WDR82: variants seen among roughly 807,000 people sequenced by gnomAD.
The protein encoded by WDR82 is WD repeat-containing protein 82.
A neutral mutation model predicts 36.1 loss-of-function variants in WDR82; 8 were observed. The observed-to-expected ratio is 0.22, with a 90% CI of 0.13 to 0.40. The LOEUF (loss-of-function observed/expected upper bound fraction) is 0.40, where lower values mean the gene tolerates loss of function less well. Among genes scored for constraint, WDR82 ranks in the 10% least tolerant of loss-of-function variants. The pLI is 1.00. For synonymous variants in WDR82, 129 were observed against 137.8 expected (o/e 0.94, Z 0.45); for missense variants, 185 against 400.5 (o/e 0.46, Z 4.59).
chr3:52,258,758 C>G, intron 7 of WDR82, 80 bp from the exon 8 acceptor site: 10 of 1,593,874 alleles, frequency 6.3e-6, no homozygotes, highest in Non-Finnish European at 7.7e-6. Flanking sequence ...GGATTGAGAT[C>G]TGAGGATACG....
At position 52,257,215 on chromosome 3, in the gene WDR82, G is replaced by A. The variant is rs1207238039; in HGVS notation, c.*275C>T. ...CTTGAGAGCCCCACTATACCAAATC[G>A]TGAGTCTGGTCACTCCTCCAGCAGA... On this transcript the variant is annotated 3_prime_UTR_variant, in exon 9 of 9. Coordinates refer to ENST00000296490, the MANE Select transcript of WDR82 (RefSeq NM_025222.4). 6 of 514,322 alleles carry A rather than the reference G, an allele frequency of 1.2e-5. No individual in the cohort carries two copies. The highest frequency in any genetic ancestry group is 6.8e-5 in the Admixed American group (2 of 29,446). The allele number at this position is 514,322 out of a possible 1,614,324, so 31.9% of individuals were successfully genotyped here. A position where few individuals can be genotyped will look rare whatever the true frequency, so the allele number is the denominator to read the frequency against.
intron 1 of WDR82, among the ~76,000 whole-genome samples, chr3:52,275,695 C>A (rs1215653543): frequency 1.3e-5 from 2 of 152,068 alleles, no homozygotes; most frequent in Non-Finnish European, 2.9e-5. Flanking sequence ...ACCAGCCTGA[C>A]CAACATGGTG....
intron 1 of WDR82, among the ~76,000 whole-genome samples, 168 bp from the exon 2 acceptor site, chr3:52,270,977 G>A (rs1046236475): frequency 6.6e-6 from 1 of 152,232 alleles, no homozygotes; most frequent in African/African-American, 2.4e-5. Context: ...CAACGCTCAA[G>A]CAACAGCCAT....
chr3:52,278,175 G>T (rs377533223), intron 1 of WDR82, 26 bp downstream of exon 1: 2 of 1,568,322 alleles, frequency 1.3e-6, no homozygotes, highest in Non-Finnish European at 1.7e-6. Flanking sequence ...ACTGAGACTC[G>T]GGCCCAGGGC....
At chr3:52,274,045 C>G (rs1217621390) in intron 1 of WDR82, among the ~76,000 whole-genome samples, 1 of 152,186 alleles carries the variant, frequency 6.6e-6, no homozygotes, top group Non-Finnish European at 1.5e-5. Flanking sequence ...TTCTGGTGAT[C>G]AAGCATCAAC....
At chr3:52,263,634 G>A (rs1700079967) in intron 3 of WDR82, among the ~76,000 whole-genome samples, 1 of 152,174 alleles carries the variant, frequency 6.6e-6, no homozygotes, top group Non-Finnish European at 1.5e-5. Flanking sequence ...TGACACATGA[G>A]GTTAAACCTA....
chr3:52,263,247 A>G (rs1700076878), intron 3 of WDR82, among the ~76,000 whole-genome samples: 1 of 152,222 alleles, frequency 6.6e-6, no homozygotes, highest in Non-Finnish European at 1.5e-5. Context: ...CACATGGAGA[A>G]GTAAGACCCC....
Position 52,257,696 on chromosome 3 carries a change from A to G in WDR82, c.913-177T>C, listed in dbSNP as rs563081959. On this transcript the variant is annotated intron_variant, in intron 8 of 8. Transcript: ENST00000296490. ...ACAGAAACACTCTTTCCTCTATGTG[A>G]AAGTAAAATGGTTCTGTTTTTCTCC... Among the ~76,000 whole-genome samples the G allele has an allele frequency of 3.3e-5, 5 of 152,228 alleles. No individual in the cohort carries two copies. The East Asian group carries it at 7.7e-4, about 24-fold the overall frequency.
chr3:52,260,551 TA>T, intron 4 of WDR82, 50 bp from the exon 5 acceptor site: 1 of 1,300,082 alleles, frequency 7.7e-7, no homozygotes. Flanking sequence ...GCCACAACCA[TA>T]CGTGGAATAA....
At chr3:52,259,111 G>C in intron 7 of WDR82, 86 bp downstream of exon 7, 1 of 1,318,442 alleles carries the variant, frequency 7.6e-7, no homozygotes, top group Non-Finnish European at 1.1e-6. Context: ...CTATCAAATA[G>C]ATAATAATGT....
intron 1 of WDR82, among the ~76,000 whole-genome samples, chr3:52,271,324 G>A (rs868758856): frequency 6.6e-6 from 1 of 152,152 alleles, no homozygotes. Flanking sequence ...GTACAGGTTT[G>A]TAGCCTAGGA....
In WDR82 at chr3:52,255,724, T is replaced by C. The variant is rs1700000100; in HGVS notation, c.*1766A>G. The C allele has an allele frequency of 6.6e-6, 1 of 152,212 alleles. No individual in the cohort carries two copies. The highest frequency in any genetic ancestry group is 1.5e-5 in the Non-Finnish European group (1 of 68,054). 9.4% of individuals were successfully genotyped at this position (152,212 alleles called of 1,614,324 possible). On this transcript the variant is annotated 3_prime_UTR_variant, in exon 9 of 9. Coordinates refer to ENST00000296490, the MANE Select transcript of WDR82 (RefSeq NM_025222.4). ...TATTCTTGAGCAAGTCATAACCCTA[T>C]TGTGCCTCAGTTTCTGGATCTGCAA...
chr3:52,257,589 C>T (rs1392301958), intron 8 of WDR82, 70 bp from the exon 9 acceptor site: 6 of 1,599,172 alleles, frequency 3.8e-6, no homozygotes, highest in Non-Finnish European at 4.3e-6. Context: ...CTTCACATCC[C>T]ACCCCACAGC....
chr3:52,262,244 G>C (rs942521621), intron 3 of WDR82, among the ~76,000 whole-genome samples: 1 of 152,194 alleles, frequency 6.6e-6, no homozygotes, highest in Non-Finnish European at 1.5e-5. Context: ...GTTGGTAGGG[G>C]CTGAGGGAGT....
rs1700044550 is a variant in WDR82, at chr3:52,259,784, A to G, written c.632T>C (p.Ile211Thr). The change falls in exon 6 of 9, where the codon ATT becomes ACT. Residue 211 changes from isoleucine to threonine, a missense_variant. Ile to Thr is a moderately conservative substitution (Grantham distance 89). Coordinates refer to ENST00000296490, the MANE Select transcript of WDR82 (RefSeq NM_025222.4). The part of the protein sequence containing the change: ...KFSNDGKLIL[I>T]STNGSFIRLI... ...ACGAATGAAGCTGCCGTTGGTGGAA[A>G]TGAGGATGAGCTTGCCATCATTGCT... The G allele has an allele frequency of 6.2e-7, 1 of 1,614,164 alleles. No homozygotes were observed. The highest frequency in any genetic ancestry group is 8.5e-7 in the Non-Finnish European group (1 of 1,180,008).
rs1700044777 is a variant in WDR82, at chr3:52,259,806, T to G, written c.610A>C (p.Asn204His). 1 of 1,614,048 alleles carries G rather than the reference T, an allele frequency of 6.2e-7. No individual in the cohort carries two copies. Among genetic ancestry groups the G allele is most frequent in the Non-Finnish European group, 8.5e-7 (1 of 1,180,028 alleles). ...TCEWTGLKFS[N>H]DGKLILISTN... Reference sequence around the variant, plus strand: ...GAAATGAGGATGAGCTTGCCATCATTGCTGAATTTAAGTCCTGTCCACTCA... The same window carrying G: ...GAAATGAGGATGAGCTTGCCATCATGGCTGAATTTAAGTCCTGTCCACTCA... The change falls in exon 6 of 9, where the codon AAT becomes CAT. Residue 204 changes from asparagine to histidine, a missense_variant. Around this residue, in one of 3 missense-constraint regions of WDR82, gnomAD observed 110 missense variants for 212.6 expected, o/e 0.52. Transcript: ENST00000296490.
Position 52,254,743 on chromosome 3 carries a change from G to A in WDR82, c.*2747C>T, listed in dbSNP as rs1407827260. On this transcript the variant is annotated 3_prime_UTR_variant, in exon 9 of 9. Coordinates refer to ENST00000296490, the MANE Select transcript of WDR82 (RefSeq NM_025222.4). The stretch of plus-strand genomic sequence containing the variant: ...AGTGGCTTTGGCCCCAATTCTTAAG[G>A]TGGCAAACGCCGCTGCCCCACTCCC... 1.3e-5 allele frequency: 2 copies of A among 152,176 alleles called. No homozygotes were observed. Among genetic ancestry groups the A allele is most frequent in the African/African-American group, 2.4e-5 (1 of 41,432 alleles). 9.4% of individuals were successfully genotyped at this position (152,176 alleles called of 1,614,324 possible).
intron 1 of WDR82, among the ~76,000 whole-genome samples, chr3:52,275,325 ATAT>A (rs139103724): frequency 0.08 from 12,175 of 152,250 alleles, 592 homozygotes; most frequent in Non-Finnish European, 0.12. Flanking sequence ...ATTTTTCATC[ATAT>A]TATTGCCTAG....
chr3:52,260,187 G>A (rs533997034), intron 5 of WDR82, among the ~76,000 whole-genome samples, 198 bp downstream of exon 5: 10 of 152,280 alleles, frequency 6.6e-5, no homozygotes, highest in Non-Finnish European at 1.2e-4. Flanking sequence ...AAATTAGCCA[G>A]GCGTGGTGGC....
Sources: allele counts gnomAD v4.1 joint callset (sites outside exome capture counted in the v4.1 genomes callset), GRCh38; gene constraint gnomAD v4.1.1; regional missense constraint gnomAD v4.1.1; transcripts MANE v1.5; gene names NCBI Gene and HGNC (gene_info 2026-07-23, HGNC 2026-07-21).